The following ZNF92 variants were observed in gnomAD, a reference collection of about 807,000 sequenced individuals.
The protein encoded by ZNF92 is zinc finger protein 92.
In ZNF92, 11 loss-of-function variants were observed where a neutral mutation model predicts 12.4. The observed-to-expected ratio is 0.89, with a 90% confidence interval of 0.56 to 1.47. ZNF92 has a LOEUF of 1.47. Ranked by LOEUF, ZNF92 falls within the 40% of genes most tolerant of loss-of-function variation. ZNF92 has a pLI of 0.00. For synonymous variants in ZNF92, 206 were observed against 228.6 expected, an observed-to-expected ratio of 0.90 and a Z score of 0.89; for missense variants, 622 against 681.0, an observed-to-expected ratio of 0.91 and a Z score of 0.96.
intron 1 of ZNF92, among the ~76,000 whole-genome samples, chr7:65,378,685 T>C (rs1444421672): frequency 6.7e-6 from 1 of 150,322 alleles, no homozygotes; most frequent in Non-Finnish European, 1.5e-5. Flanking sequence ...GAGCTTGCGG[T>C]GAGCCGAGAT....
Position 65,399,041 on chromosome 7 carries a change from A to G in ZNF92, c.927A>G (p.Glu309=). The change falls in exon 4 of 4, where the codon GAA becomes GAG. Residue 309 remains glutamate, a synonymous_variant. Transcript: ENST00000328747. ...ATAAACATAAGAGAATTCATATGGAAGATAAACCCTACAAATGTGAAGAAT... is the reference window on the plus strand; with the variant it reads ...ATAAACATAAGAGAATTCATATGGAGGATAAACCCTACAAATGTGAAGAAT... ...ILNKHKRIHM[E]DKPYKCEECG... 3 of 1,613,382 alleles carry G rather than the reference A, an allele frequency of 1.9e-6. No individual in the cohort carries two copies. Among genetic ancestry groups the G allele is most frequent in the Non-Finnish European group, 2.5e-6 (3 of 1,179,704 alleles).
At position 65,375,816 on chromosome 7, in the gene ZNF92, C is replaced by T. The variant is rs527617843; in HGVS notation, c.3+1816C>T. ...TGAGCCAAGATCATGCCACTGCACT[C>T]CAGCCTCGAGACTCCGTCTCAAACA... On this transcript the variant is annotated intron_variant, in intron 1 of 3. Transcript: ENST00000328747. Among the ~76,000 whole-genome samples, 5 of 151,988 alleles carry T rather than the reference C, an allele frequency of 3.3e-5. No individual in the cohort carries two copies. The South Asian group carries it at 1.0e-3, about 32-fold the overall frequency.
rs1793159996 is a variant in ZNF92, at chr7:65,373,942, C to G, written c.-56C>G. 6.2e-7 allele frequency: 1 copy of G among 1,613,228 alleles called. No homozygotes were observed. Among genetic ancestry groups the G allele is most frequent in the African/African-American group, 1.3e-5 (1 of 74,750 alleles). On this transcript the variant is annotated 5_prime_UTR_variant, in exon 1 of 4. Transcript: ENST00000328747. Reference sequence around the variant, plus strand: ...AGGCTCGCCGCTGTGACCCTGTTACCTGCAAGAACTTGGAGGTTCACAGCT... The same window carrying G: ...AGGCTCGCCGCTGTGACCCTGTTACGTGCAAGAACTTGGAGGTTCACAGCT...
At chr7:65,393,941 A>G (rs1793787735) in intron 3 of ZNF92, among the ~76,000 whole-genome samples, 1 of 152,044 alleles carries the variant, frequency 6.6e-6, no homozygotes, top group Non-Finnish European at 1.5e-5. Context: ...ATTCAACTTT[A>G]TTGTTCAGTT....
chr7:65,387,214 T>A (rs1793593144), intron 1 of ZNF92, among the ~76,000 whole-genome samples: 1 of 152,092 alleles, frequency 6.6e-6, no homozygotes, highest in African/African-American at 2.4e-5. Flanking sequence ...ACTGCTGGGA[T>A]TATAGGTATA....
intron 3 of ZNF92, among the ~76,000 whole-genome samples, chr7:65,395,231 C>G (rs1490804548): frequency 6.6e-6 from 1 of 151,810 alleles, no homozygotes; most frequent in East Asian, 1.9e-4. Context: ...ATATTTTGAT[C>G]ATTTGTAGGG....
At chr7:65,397,412 T>G (rs3857681) in intron 3 of ZNF92, among the ~76,000 whole-genome samples, 2 of 78,696 alleles carry the variant, frequency 2.5e-5, no homozygotes, top group African/African-American at 6.5e-5. Context: ...TTATCCTCAT[T>G]TATCTGATTT....
intron 1 of ZNF92, among the ~76,000 whole-genome samples, chr7:65,377,430 A>G (rs1793274269): frequency 6.6e-6 from 1 of 152,118 alleles, no homozygotes; most frequent in Non-Finnish European, 1.5e-5. Flanking sequence ...CCACAGGCAG[A>G]TGGAGTTAAC....
chr7:65,378,143 C>A (rs1308845676), intron 1 of ZNF92, among the ~76,000 whole-genome samples: 1 of 150,392 alleles, frequency 6.6e-6, no homozygotes, highest in African/African-American at 2.4e-5. Context: ...ACTAAAAGTA[C>A]AAAAATCAGC....
chr7:65,383,414 A>C (rs1294970409), intron 1 of ZNF92, among the ~76,000 whole-genome samples: 1 of 152,146 alleles, frequency 6.6e-6, no homozygotes, highest in Non-Finnish European at 1.5e-5. Flanking sequence ...AGACAGGAGC[A>C]GACTTTGGAT....
intron 3 of ZNF92, 69 bp downstream of exon 3, chr7:65,388,970 T>C (rs757755157): frequency 2.7e-5 from 37 of 1,355,618 alleles, no homozygotes; most frequent in Non-Finnish European, 3.5e-5. Flanking sequence ...GGCCAGTCAT[T>C]TTTTCTTAGT....
At chr7:65,384,440 G>A (rs1342084396) in intron 1 of ZNF92, among the ~76,000 whole-genome samples, 4 of 152,106 alleles carry the variant, frequency 2.6e-5, no homozygotes, top group Non-Finnish European at 5.9e-5. Context: ...TTTGGGTGAT[G>A]AATTCGGCTG....
In ZNF92 at chr7:65,385,175, C is replaced by G. The variant is rs75917543; in HGVS notation, c.4-2727C>G. 9.7e-3 allele frequency among the ~76,000 whole-genome samples: 1,477 copies of G among 152,190 alleles called. 26 individuals carry two copies. Among genetic ancestry groups the G allele is most frequent in the African/African-American group, 0.034 (1,402 of 41,518 alleles). On this transcript the variant is annotated intron_variant, in intron 1 of 3. Transcript: ENST00000328747. ...ATCTATAGAGGACTTGTTTAAAATA[C>G]CCTTTCATGGACCATTTTCAAACCT...
intron 1 of ZNF92, among the ~76,000 whole-genome samples, chr7:65,381,869 T>C (rs533203576): frequency 6.6e-6 from 1 of 152,260 alleles, no homozygotes; most frequent in Admixed American, 6.5e-5. Flanking sequence ...CTGGGCTCTC[T>C]ATTCTGTTGC....
At chr7:65,380,512 T>TCCA (rs1397845565) in intron 1 of ZNF92, among the ~76,000 whole-genome samples, 1 of 152,092 alleles carries the variant, frequency 6.6e-6, no homozygotes, top group Non-Finnish European at 1.5e-5. Context: ...GCTCACGCAA[T>TCCA]CCACCTGCCT....
In ZNF92 at chr7:65,398,356, T is replaced by A; in HGVS notation, c.242T>A (p.Phe81Tyr). 1 of 1,554,284 alleles carries A rather than the reference T, an allele frequency of 6.4e-7. No homozygotes were observed. Reference protein sequence around the residue: ...VDKTPVMCSHFAQDVWPEHSI... With the variant: ...VDKTPVMCSHYAQDVWPEHSI... ...TTTTTTTCAGTTATGTGTTCTCATT[T>A]TGCCCAAGATGTTTGGCCAGAGCAC... The change falls in exon 4 of 4, where the codon TTT (phenylalanine) becomes TAT (tyrosine). Residue 81 changes from phenylalanine to tyrosine, a missense_variant. By Grantham distance (22) the Phe-to-Tyr change is conservative. Transcript: ENST00000328747.
chr7:65,382,336 C>G lies in ZNF92; in HGVS notation c.4-5566C>G, dbSNP rs142928747. 2.2e-4 allele frequency among the ~76,000 whole-genome samples: 33 copies of G among 152,076 alleles called. No individual in the cohort carries two copies. In the East Asian group the frequency reaches 6.4e-3, roughly 29 times the overall value. Reference sequence around the variant, plus strand: ...TTACTCTGGGGCTGGAGAAAACTTTCCTTTTAATTATATTTTCCAAACACT... The same window carrying G: ...TTACTCTGGGGCTGGAGAAAACTTTGCTTTTAATTATATTTTCCAAACACT... On this transcript the variant is annotated intron_variant, in intron 1 of 3. Transcript: ENST00000328747.
intron 3 of ZNF92, among the ~76,000 whole-genome samples, chr7:65,390,465 C>T (rs1439655743): frequency 1.3e-5 from 2 of 152,076 alleles, no homozygotes; most frequent in Admixed American, 1.3e-4. Flanking sequence ...GGGATGCCCT[C>T]TGGGTTTGTA....
chr7:65,381,504 T>G (rs1352781959), intron 1 of ZNF92, among the ~76,000 whole-genome samples: 1 of 152,030 alleles, frequency 6.6e-6, no homozygotes, highest in South Asian at 2.1e-4. Context: ...GTGGGTTTTG[T>G]TTTTGTTTTC....
Sources: allele counts gnomAD v4.1 joint callset (sites outside exome capture counted in the v4.1 genomes callset), GRCh38; gene constraint gnomAD v4.1.1; transcripts MANE v1.5; gene names NCBI Gene and HGNC (gene_info 2026-07-23, HGNC 2026-07-21).